Variants in CDH6 observed in about 807,000 individuals in gnomAD.
CDH6 encodes the protein cadherin-6.
Under a neutral mutation model 78.0 loss-of-function variants are expected in CDH6, and 31 were observed. The ratio of observed to expected loss-of-function variants is 0.40; its 90% CI spans 0.30 to 0.54. CDH6 has a LOEUF of 0.54. Among genes scored for constraint, CDH6 ranks in the 20% least tolerant of loss-of-function variants. The pLI is 0.56. For synonymous variants in CDH6, 376 were observed against 368.8 expected (o/e 1.02, Z -0.23); for missense variants, 724 against 975.9 (o/e 0.74, Z 3.44).
intron 1 of CDH6, among the ~76,000 whole-genome samples, chr5:31,223,002 C>G (rs913834825): frequency 1.3e-5 from 2 of 151,976 alleles, no homozygotes; most frequent in African/African-American, 4.8e-5. Context: ...TTTCCTCTTT[C>G]TCTCTCACTT....
chr5:31,308,924 A>G lies in CDH6; in HGVS notation c.1253+3497A>G, dbSNP rs73758201. ...TAGCATTTTCCATGAGAAAAAATATATATCTAGATAATTATTAAATTTCTT... is the reference window on the plus strand; with the variant it reads ...TAGCATTTTCCATGAGAAAAAATATGTATCTAGATAATTATTAAATTTCTT... On this transcript the variant is annotated intron_variant, in intron 7 of 11. Coordinates refer to ENST00000265071, the MANE Select transcript of CDH6 (RefSeq NM_004932.4). Among the ~76,000 whole-genome samples the G allele has an allele frequency of 7.0e-3, 1,064 of 152,236 alleles. 12 individuals are homozygous for G. The highest frequency in any genetic ancestry group is 0.025 in the African/African-American group (1,024 of 41,574).
At chr5:31,255,451 G>A (rs965812322) in intron 1 of CDH6, among the ~76,000 whole-genome samples, 3 of 152,134 alleles carry the variant, frequency 2.0e-5, no homozygotes, top group African/African-American at 7.2e-5. Flanking sequence ...CATTTCTTTG[G>A]TGGTATAATT....
chr5:31,257,653 A>C (rs956562532), intron 1 of CDH6, among the ~76,000 whole-genome samples: 1 of 152,014 alleles, frequency 6.6e-6, no homozygotes, highest in African/African-American at 2.4e-5. Context: ...CCAGCCCCTG[A>C]CTTGTTTTGT....
intron 1 of CDH6, among the ~76,000 whole-genome samples, chr5:31,199,685 G>GTATA (rs1554035032): frequency 0.028 from 2,256 of 79,770 alleles, 55 homozygotes; most frequent in South Asian, 0.046. Flanking sequence ...GTGTGTGTGT[G>GTATA]TATATATATA....
At chr5:31,212,213 A>G (rs1740728169) in intron 1 of CDH6, among the ~76,000 whole-genome samples, 1 of 152,198 alleles carries the variant, frequency 6.6e-6, no homozygotes, top group African/African-American at 2.4e-5. Context: ...AACTTCCACA[A>G]GGGGCCTAGC....
At chr5:31,293,941 A>AT in intron 2 of CDH6, 21 bp from the exon 3 acceptor site, 1 of 1,515,872 alleles carries the variant, frequency 6.6e-7, no homozygotes, top group South Asian at 1.2e-5. Flanking sequence ...TACTTTCTTT[A>AT]ATTTTTTTTT....
chr5:31,243,008 G>A (rs965750794), intron 1 of CDH6, among the ~76,000 whole-genome samples: 6 of 152,082 alleles, frequency 3.9e-5, no homozygotes, highest in Non-Finnish European at 7.4e-5. Context: ...TGAATCCCTG[G>A]CACTGATAAG....
intron 1 of CDH6, among the ~76,000 whole-genome samples, chr5:31,199,603 A>G (rs1007056797): frequency 6.8e-6 from 1 of 146,880 alleles, no homozygotes; most frequent in Non-Finnish European, 1.5e-5. Flanking sequence ...ACATATATAT[A>G]TCATGGATAG....
intron 1 of CDH6, among the ~76,000 whole-genome samples, chr5:31,242,492 T>G (rs900751593): frequency 7.2e-5 from 11 of 152,168 alleles, no homozygotes; most frequent in Non-Finnish European, 1.5e-4. Context: ...CTTTGCTTTT[T>G]TTGTTGTTGT....
intron 1 of CDH6, among the ~76,000 whole-genome samples, chr5:31,254,880 T>C (rs759375886): frequency 6.6e-6 from 1 of 152,136 alleles, no homozygotes; most frequent in Non-Finnish European, 1.5e-5. Flanking sequence ...ACACAAGTAA[T>C]CATCATTAAC....
At chr5:31,237,873 A>AC (rs1465188397) in intron 1 of CDH6, among the ~76,000 whole-genome samples, 3 of 152,172 alleles carry the variant, frequency 2.0e-5, no homozygotes, top group Non-Finnish European at 4.4e-5. Context: ...CTTCTTGCAA[A>AC]CTCTGGAGTC....
At chr5:31,214,572 T>A (rs375447459) in intron 1 of CDH6, among the ~76,000 whole-genome samples, 6 of 152,196 alleles carry the variant, frequency 3.9e-5, no homozygotes, top group Non-Finnish European at 5.9e-5. Flanking sequence ...AGAAATTATG[T>A]TGTATCTAAA....
chr5:31,283,532 A>G (rs1742919777), intron 2 of CDH6, among the ~76,000 whole-genome samples: 1 of 152,174 alleles, frequency 6.6e-6, no homozygotes. Flanking sequence ...TGACCAGTTC[A>G]GGTCATGTCC....
intron 5 of CDH6, among the ~76,000 whole-genome samples, chr5:31,300,898 A>T (rs1316315637): frequency 6.6e-6 from 1 of 152,212 alleles, no homozygotes; most frequent in Non-Finnish European, 1.5e-5. Flanking sequence ...AGGGAGGAAG[A>T]CTGTGTGAGG....
intron 11 of CDH6, among the ~76,000 whole-genome samples, chr5:31,319,405 A>G (rs541462290): frequency 1.2e-4 from 18 of 152,348 alleles, no homozygotes; most frequent in African/African-American, 4.3e-4. Flanking sequence ...GGTATACACC[A>G]TAGGTCAGAT....
At chr5:31,234,799 CAT>C (rs1289413114) in intron 1 of CDH6, among the ~76,000 whole-genome samples, 9 of 152,198 alleles carry the variant, frequency 5.9e-5, no homozygotes, top group East Asian at 1.9e-4. Context: ...ATGCATGACA[CAT>C]ATGCATACAT....
intron 7 of CDH6, among the ~76,000 whole-genome samples, chr5:31,310,921 C>T (rs75112740): frequency 0.03 from 4,533 of 152,288 alleles, 208 homozygotes; most frequent in African/African-American, 0.095. Context: ...GCCTCTGGGC[C>T]TGTGAGGGAA....
intron 2 of CDH6, among the ~76,000 whole-genome samples, chr5:31,275,532 TTTCA>T (rs1299845169): frequency 6.6e-6 from 1 of 152,182 alleles, no homozygotes; most frequent in Admixed American, 6.5e-5. Flanking sequence ...AAGGACATGA[TTTCA>T]TTCTTTTTTA....
chr5:31,306,611 C>T (rs867598), intron 7 of CDH6, among the ~76,000 whole-genome samples: 3,599 of 152,230 alleles, frequency 0.024, 141 homozygotes, highest in African/African-American at 0.083. Context: ...AATTACTCCC[C>T]ATAAACAAAG....
Sources: allele counts gnomAD v4.1 joint callset (sites outside exome capture counted in the v4.1 genomes callset), GRCh38; gene constraint gnomAD v4.1.1; transcripts MANE v1.5; gene names NCBI Gene and HGNC (gene_info 2026-07-23, HGNC 2026-07-21).